The following TTC28 variants were observed in gnomAD, a reference collection of about 807,000 sequenced individuals.
The protein encoded by TTC28 is tetratricopeptide repeat domain 28, also known as tetratricopeptide repeat protein 28.
In TTC28, 61 loss-of-function variants were observed where a neutral mutation model predicts 198.0. That is an observed-to-expected ratio of 0.31 (90% CI 0.25 to 0.38). The LOEUF (loss-of-function observed/expected upper bound fraction) is 0.38, where lower values mean the gene tolerates loss of function less well. Among genes scored for constraint, TTC28 ranks in the 10% least tolerant of loss-of-function variants. The pLI, the probability that TTC28 is intolerant of heterozygous loss-of-function variation, is 1.00. For missense variants in TTC28, 2,678 were observed against 3,164.0 expected, an observed-to-expected ratio of 0.85 and a Z score of 3.69; for synonymous variants, 1,171 against 1,297.8, an observed-to-expected ratio of 0.90 and a Z score of 2.10.
intron 2 of TTC28, among the ~76,000 whole-genome samples, chr22:28,584,765 G>C (rs1031037498): frequency 5.9e-5 from 9 of 152,072 alleles, no homozygotes; most frequent in Admixed American, 3.3e-4. Context: ...TAAAAAGTTG[G>C]ACTTATATTT....
At chr22:28,504,113 T>C (rs1337533680) in intron 2 of TTC28, among the ~76,000 whole-genome samples, 1 of 152,206 alleles carries the variant, frequency 6.6e-6, no homozygotes, top group Non-Finnish European at 1.5e-5. Flanking sequence ...TCTTTTCCTA[T>C]GTTCTACAGT....
intron 5 of TTC28, among the ~76,000 whole-genome samples, chr22:28,215,256 A>T (rs1264241437): frequency 6.6e-6 from 1 of 152,206 alleles, no homozygotes; most frequent in Non-Finnish European, 1.5e-5. Flanking sequence ...CGTTGTGCAC[A>T]TGTACCCTAG....
At chr22:28,419,000 T>G (rs1601370816) in intron 2 of TTC28, among the ~76,000 whole-genome samples, 1 of 152,184 alleles carries the variant, frequency 6.6e-6, no homozygotes, top group Admixed American at 6.5e-5. Context: ...AGACAGACTC[T>G]GTAGGAGCAG....
chr22:28,303,479 T>A (rs895700697), intron 3 of TTC28, among the ~76,000 whole-genome samples: 2 of 151,854 alleles, frequency 1.3e-5, no homozygotes, highest in African/African-American at 4.8e-5. Flanking sequence ...TGTGCATGAG[T>A]GAAACTAAAA....
rs143358973 is a variant in TTC28, at chr22:28,471,120, C to T, written c.381+158432G>A. On this transcript the variant is annotated intron_variant, in intron 2 of 22. Coordinates refer to ENST00000397906, the MANE Select transcript of TTC28 (RefSeq NM_001145418.2). ...GTTCACCAATACTTTCATCTTTCAA[C>T]GCTTGGAAAATTGTACTTTTGTGAA... 2.9e-3 allele frequency among the ~76,000 whole-genome samples: 442 copies of T among 152,278 alleles called. 1 individual carries two copies. The highest frequency in any genetic ancestry group is 6.4e-3 in the South Asian group (31 of 4,828).
At chr22:28,205,211 C>T (rs1053151824) in intron 5 of TTC28, among the ~76,000 whole-genome samples, 11 of 152,048 alleles carry the variant, frequency 7.2e-5, no homozygotes, top group Non-Finnish European at 5.9e-5. Flanking sequence ...TAACGCAACA[C>T]ACACACACAC....
intron 2 of TTC28, among the ~76,000 whole-genome samples, chr22:28,470,801 A>G (rs1234139339): frequency 5.9e-5 from 9 of 152,214 alleles, no homozygotes; most frequent in Non-Finnish European, 1.2e-4. Flanking sequence ...AGGCAATAAT[A>G]TAGAAAAAGG....
At chr22:28,078,212 G>C (rs1050565881) in intron 12 of TTC28, among the ~76,000 whole-genome samples, 1 of 152,148 alleles carries the variant, frequency 6.6e-6, no homozygotes, top group Non-Finnish European at 1.5e-5. Flanking sequence ...CCATTAAGGA[G>C]AGCAAAAACA....
At chr22:28,347,522 C>T (rs1468113983) in intron 2 of TTC28, among the ~76,000 whole-genome samples, 2 of 152,144 alleles carry the variant, frequency 1.3e-5, no homozygotes, top group Non-Finnish European at 2.9e-5. Context: ...GAGATCACCG[C>T]GTTTACACCT....
intron 5 of TTC28, among the ~76,000 whole-genome samples, chr22:28,213,813 C>T (rs575628463): frequency 6.5e-4 from 99 of 152,170 alleles, no homozygotes; most frequent in South Asian, 1.7e-3. Context: ...AAAGAGCCCG[C>T]ATTGCCAAGT....
intron 2 of TTC28, among the ~76,000 whole-genome samples, chr22:28,371,908 A>T (rs1035599458): frequency 6.7e-6 from 1 of 149,914 alleles, no homozygotes; most frequent in African/African-American, 2.5e-5. Context: ...TTTTTAATGA[A>T]TTTTTTTTAT....
chr22:28,414,378 C>G (rs16986392), intron 2 of TTC28, among the ~76,000 whole-genome samples: 2,465 of 152,212 alleles, frequency 0.016, 90 homozygotes, highest in African/African-American at 0.057. Flanking sequence ...AAGTGATGGA[C>G]AGTATAAGGA....
At chr22:28,232,237 G>A (rs544581889) in intron 5 of TTC28, among the ~76,000 whole-genome samples, 4 of 152,248 alleles carry the variant, frequency 2.6e-5, no homozygotes, top group African/African-American at 9.6e-5. Context: ...GATCAATAAC[G>A]TATTTTGTGA....
intron 2 of TTC28, among the ~76,000 whole-genome samples, chr22:28,441,936 G>A (rs986793127): frequency 6.7e-6 from 1 of 149,962 alleles, no homozygotes; most frequent in African/African-American, 2.5e-5. Flanking sequence ...AACTGGGTTC[G>A]CCTAACAGTT....
chr22:28,227,937 T>C (rs1928480213), intron 5 of TTC28, among the ~76,000 whole-genome samples: 1 of 152,190 alleles, frequency 6.6e-6, no homozygotes, highest in African/African-American at 2.4e-5. Flanking sequence ...AGCAGCATTA[T>C]TCACAATAGC....
At chr22:28,297,294 T>C (rs2044918664) in intron 4 of TTC28, among the ~76,000 whole-genome samples, 1 of 151,944 alleles carries the variant, frequency 6.6e-6, no homozygotes, top group African/African-American at 2.4e-5. Context: ...TAAGTGTAAC[T>C]TTGAATGCCT....
Position 28,199,546 on chromosome 22 carries a change from T to C in TTC28, c.934-35947A>G, listed in dbSNP as rs1243730505. Among the ~76,000 whole-genome samples, 13 of 147,974 alleles carry C rather than the reference T, an allele frequency of 8.8e-5. 2 individuals carry two copies. The highest frequency in any genetic ancestry group is 3.3e-4 in the African/African-American group (13 of 39,824). ...ATACCTATACATATATATATATATA[T>C]ATACACACAAACACTAAATTATTTG... On this transcript the variant is annotated intron_variant, in intron 5 of 22. Coordinates refer to ENST00000397906, the MANE Select transcript of TTC28 (RefSeq NM_001145418.2).
intron 2 of TTC28, among the ~76,000 whole-genome samples, chr22:28,502,512 G>C (rs1428796941): frequency 2.0e-5 from 3 of 151,922 alleles, no homozygotes; most frequent in Admixed American, 2.0e-4. Context: ...GCCAGGCATG[G>C]TGGCGGGCGT....
intron 2 of TTC28, among the ~76,000 whole-genome samples, chr22:28,557,973 AT>A (rs2049811216): frequency 6.6e-6 from 1 of 152,064 alleles, no homozygotes; most frequent in African/African-American, 2.4e-5. Flanking sequence ...TTTCATGATC[AT>A]TTTTTACTGT....
Sources: gnomAD v4.1 joint callset for allele counts (sites outside exome capture counted in the v4.1 genomes callset) on GRCh38, gnomAD v4.1.1 for gene constraint, MANE v1.5 for transcripts, NCBI Gene and HGNC (gene_info 2026-07-23, HGNC 2026-07-21) for gene names.